DYNC1H1: variants seen among roughly 807,000 people sequenced by gnomAD.
The protein encoded by DYNC1H1 is dynein cytoplasmic 1 heavy chain 1, also known as cytoplasmic dynein 1 heavy chain 1.
Under a neutral mutation model 527.1 loss-of-function variants are expected in DYNC1H1, and 51 were observed. That is an observed-to-expected ratio of 0.10 (90% confidence interval 0.08 to 0.12). The LOEUF is 0.12. Among genes scored for constraint, DYNC1H1 ranks in the 10% least tolerant of loss-of-function variants. DYNC1H1 has a pLI of 1.00. For missense variants in DYNC1H1, 2,771 were observed against 5,971.8 expected (o/e 0.46, Z 17.66); for synonymous variants, 2,189 against 2,278.8 (o/e 0.96, Z 1.12).
At chr14:102,048,457 C>G (rs2152600458) in intron 73 of DYNC1H1, 59 bp from the exon 74 acceptor site, 3 of 1,611,702 alleles carry the variant, frequency 1.9e-6, no homozygotes, top group Middle Eastern at 1.7e-4. Context: ...TCTGTTTGAC[C>G]TTTACACTGG....
Position 102,001,728 on chromosome 14 carries a change from G to A in DYNC1H1, c.4542+47G>A, listed in dbSNP as rs200273752. 2.2e-5 allele frequency: 36 copies of A among 1,612,184 alleles called. No individual in the cohort carries two copies. The highest frequency in any genetic ancestry group is 2.7e-5 in the Non-Finnish European group (32 of 1,179,406). On this transcript the variant is annotated intron_variant, in intron 21 of 77. Transcript: ENST00000360184. This position sits in a 1 kb window ranked among gnomAD's most constrained non-coding sequence, Gnocchi z 5.0. ...TCCCTCCCCACCAGTGGTCTCCCAC[G>A]CTTTCACTGTAATGCCTTTTCACTG...
intron 1 of DYNC1H1, among the ~76,000 whole-genome samples, chr14:101,970,761 G>T (rs1024253474): frequency 2.0e-5 from 3 of 152,178 alleles, no homozygotes; most frequent in Admixed American, 2.0e-4. Context: ...GGGACTGCAG[G>T]CGTGAGCCAC....
At chr14:102,013,377 G>T (rs566654730) in intron 34 of DYNC1H1, among the ~76,000 whole-genome samples, 21 of 152,110 alleles carry the variant, frequency 1.4e-4, no homozygotes, top group Non-Finnish European at 7.3e-5. Flanking sequence ...TCAGGTGTTG[G>T]TGGGGGTTGG....
At chr14:102,048,487 C>G in intron 73 of DYNC1H1, 29 bp from the exon 74 acceptor site, 2 of 1,614,052 alleles carry the variant, frequency 1.2e-6, no homozygotes, top group Non-Finnish European at 1.7e-6. Flanking sequence ...CTCTTCCTAA[C>G]TTCTCTTCAC....
At position 102,009,892 on chromosome 14, in the gene DYNC1H1, C is replaced by T. The variant is rs777975672; in HGVS notation, c.6027C>T (p.Ser2009=). ...CELLNKQVKV[S]PDMAIFITMN... is the part of the protein sequence containing the mutation. The stretch of plus-strand genomic sequence containing the variant: ...TGCTGAACAAACAAGTCAAGGTGAG[C>T]CCGGACATGGCCATCTTCATCACCA... The change falls in exon 30 of 78, where the codon AGC becomes AGT. Residue 2009 remains serine, a synonymous_variant. Coordinates refer to ENST00000360184, the MANE Select transcript of DYNC1H1 (RefSeq NM_001376.5). The T allele has an allele frequency of 3.1e-6, 5 of 1,613,948 alleles. No individual in the cohort carries two copies. The highest frequency in any genetic ancestry group is 2.5e-6 in the Non-Finnish European group (3 of 1,180,032).
At chr14:102,047,787 T>C (rs763120543) in intron 72 of DYNC1H1, 30 bp from the exon 73 acceptor site, 29 of 1,611,756 alleles carry the variant, frequency 1.8e-5, no homozygotes, top group Non-Finnish European at 2.5e-6. Flanking sequence ...CCTCCCTCCT[T>C]CCTGCTGCGA....
At chr14:102,023,094 C>A in intron 43 of DYNC1H1, 1 of 698,972 alleles carries the variant, frequency 1.4e-6, no homozygotes, top group Non-Finnish European at 2.3e-6. Context: ...AAGACTCCAC[C>A]TCTACAAAAA....
intron 34 of DYNC1H1, among the ~76,000 whole-genome samples, chr14:102,013,371 G>A (rs1284303559): frequency 6.6e-6 from 1 of 152,090 alleles, no homozygotes; most frequent in African/African-American, 2.4e-5. Context: ...GAGCTGTCAG[G>A]TGTTGGTGGG....
intron 43 of DYNC1H1, 84 bp downstream of exon 43, chr14:102,022,964 A>C (rs1272012451): frequency 1.3e-6 from 2 of 1,599,878 alleles, no homozygotes; most frequent in Admixed American, 3.4e-5. Context: ...ATTATCTTCT[A>C]CTCAAAAATA....
Position 102,007,909 on chromosome 14 carries a change from A to G in DYNC1H1, c.5818-269A>G, listed in dbSNP as rs146717313. On this transcript the variant is annotated intron_variant, in intron 28 of 77. Coordinates refer to ENST00000360184, the MANE Select transcript of DYNC1H1 (RefSeq NM_001376.5). ...CCCTCTTCCTGGCTTGCACGTGGCTATTTTGTCGCCACAAGGCCTTTCCTC... is the reference window on the plus strand; with the variant it reads ...CCCTCTTCCTGGCTTGCACGTGGCTGTTTTGTCGCCACAAGGCCTTTCCTC... Among the ~76,000 whole-genome samples the G allele has an allele frequency of 7.8e-3, 1,189 of 152,212 alleles. 12 individuals carry two copies. Among genetic ancestry groups the G allele is most frequent in the Non-Finnish European group, 0.011 (715 of 68,018 alleles).
Position 102,006,178 on chromosome 14 carries a change from CT to C in DYNC1H1, c.5716+10del. 6.2e-7 allele frequency: 1 copy of C among 1,613,094 alleles called. No individual in the cohort carries two copies. The highest frequency in any genetic ancestry group is 1.1e-5 in the South Asian group (1 of 91,078). ...TGGGGGGTTCCCCATTTGGTAAGTT[CT>C]TCCACAGATCTGGACAGATGGAATC... On this transcript the variant is annotated intron_variant, in intron 27 of 77. Coordinates refer to ENST00000360184, the MANE Select transcript of DYNC1H1 (RefSeq NM_001376.5).
rs776531335 is a variant in DYNC1H1, at chr14:102,016,840, A to G, written c.7689A>G (p.Ala2563=). Residue 2563 remains alanine (A), a synonymous_variant, in exon 38 of 78, where the codon GCA becomes GCG. Transcript: ENST00000360184. The surrounding 1 kb of genome is among the most constrained non-coding windows in gnomAD (Gnocchi z 7.3). ...TTGAAGTGGAGACGCACAAGGTGGC[A>G]GCCCCTGATGTCGTCGTGCCAACGC... The part of the protein sequence containing the change: ...PQIEVETHKV[A]APDVVVPTLD... The G allele has an allele frequency of 6.2e-6, 10 of 1,614,012 alleles. No individual in the cohort carries two copies. In the South Asian group the frequency reaches 9.9e-5, roughly 16 times the overall value.
At chr14:101,972,578 G>A (rs768027321) in intron 1 of DYNC1H1, among the ~76,000 whole-genome samples, 35 of 152,214 alleles carry the variant, frequency 2.3e-4, no homozygotes, top group Non-Finnish European at 1.2e-4. Context: ...CCACACAGCG[G>A]TGACTCATCT....
chr14:102,032,529 C>T, intron 52 of DYNC1H1, 62 bp downstream of exon 52: 3 of 1,600,754 alleles, frequency 1.9e-6, no homozygotes, highest in Non-Finnish European at 2.6e-6. Flanking sequence ...AGGCCAGGCA[C>T]GGTGGCTCAC....
In DYNC1H1 at chr14:101,991,640, G is replaced by C; in HGVS notation, c.2982G>C (p.Leu994=). The C allele has an allele frequency of 1.9e-6, 3 of 1,614,186 alleles. No homozygotes were observed. The highest frequency in any genetic ancestry group is 2.5e-6 in the Non-Finnish European group (3 of 1,180,032). ...QEMFAWKMVV[L]SLPRIQSQRY... ...TGTTTGCCTGGAAGATGGTTGTACT[G>C]TCTCTCCCCAGGATCCAGAGTCAGA... Residue 994 remains leucine, a synonymous_variant, in exon 11 of 78, where the codon CTG becomes CTC. Transcript: ENST00000360184.
chr14:102,050,699 A>G lies in DYNC1H1; in HGVS notation c.*136A>G. 7.0e-7 allele frequency: 1 copy of G among 1,419,044 alleles called. No individual in the cohort carries two copies. 87.9% of individuals were successfully genotyped at this position (1,419,044 alleles called of 1,614,324 possible). On this transcript the variant is annotated 3_prime_UTR_variant, in exon 78 of 78. Transcript: ENST00000360184. ...GTTGGAGGAAGCTGAATGGAATCTG[A>G]CGGTTGGGAGTGGTGGAAATTGGAA...
chr14:101,996,696 A>T (rs1333310750), intron 15 of DYNC1H1, among the ~76,000 whole-genome samples: 1 of 152,102 alleles, frequency 6.6e-6, no homozygotes, highest in Non-Finnish European at 1.5e-5. Flanking sequence ...ATCCTAGCTC[A>T]CTGCAGCCTC....
Position 101,970,470 on chromosome 14 carries a change from G to GTTTTTTTTTTT in DYNC1H1, c.257-5240_257-5239insTTTTTTTTTTT, listed in dbSNP as rs1324948272. On this transcript the variant is annotated intron_variant, in intron 1 of 77. Transcript: ENST00000360184. Reference sequence around the variant, plus strand: ...GTGGTATTAGTATGTTTGGTTTGTTGTTGTTTTTTTTTTTTTTTTTTTTTT... The same window carrying GTTTTTTTTTTT: ...GTGGTATTAGTATGTTTGGTTTGTTGTTTTTTTTTTTTTGTTTTTTTTTTTTTTTTTTTTTT... Among the ~76,000 whole-genome samples, 30 of 96,304 alleles carry GTTTTTTTTTTT rather than the reference G, an allele frequency of 3.1e-4. 6 individuals carry two copies. Among genetic ancestry groups the GTTTTTTTTTTT allele is most frequent in the African/African-American group, 1.4e-3 (29 of 21,046 alleles). The allele number at this position is 96,304 out of a possible 152,430, so 63.2% of individuals were successfully genotyped here.
intron 72 of DYNC1H1, chr14:102,045,294 CTCTG>C (rs2048702482): frequency 7.1e-6 from 1 of 140,950 alleles, no homozygotes; most frequent in African/African-American, 2.7e-5. Context: ...CAGAGTGAGA[CTCTG>C]TCTCAAAAAA....
Sources: allele counts gnomAD v4.1 joint callset (sites outside exome capture counted in the v4.1 genomes callset), GRCh38; gene constraint gnomAD v4.1.1; non-coding constraint Gnocchi (gnomAD v3.1); transcripts MANE v1.5; gene names NCBI Gene and HGNC (gene_info 2026-07-23, HGNC 2026-07-21).